Variants in IL10RA observed in about 807,000 individuals in gnomAD.
IL10RA encodes interleukin 10 receptor subunit alpha, also known as interleukin-10 receptor subunit alpha.
A neutral mutation model predicts 29.6 loss-of-function variants in IL10RA; 18 were observed. The ratio of observed to expected loss-of-function variants is 0.61; its 90% confidence interval spans 0.42 to 0.90. IL10RA has a LOEUF of 0.90. IL10RA is among the 40% of genes least tolerant of loss of function. IL10RA has a pLI of 0.00. For synonymous variants in IL10RA, 292 were observed against 294.1 expected (o/e 0.99, Z 0.07); for missense variants, 634 against 716.6 (o/e 0.88, Z 1.32).
rs765964592 is a variant in IL10RA, at chr11:117,999,323, T to G, written c.1419T>G (p.Leu473=). The G allele has an allele frequency of 1.2e-6, 2 of 1,614,232 alleles. No individual in the cohort carries two copies. ...AAGAATCGCCCTTGACAGATGGCCT[T>G]GGCCCCAAATTCGGGAGATGCCTGG... ...LEEESPLTDG[L]GPKFGRCLVD... Residue 473 remains leucine, a synonymous_variant, in exon 7 of 7, where the codon CTT becomes CTG. Transcript: ENST00000227752.
At chr11:117,993,173 C>A in intron 3 of IL10RA, 68 bp from the exon 4 acceptor site, 1 of 1,426,890 alleles carries the variant, frequency 7.0e-7, no homozygotes, top group Non-Finnish European at 9.9e-7. Context: ...AAAGTCTCGG[C>A]GGGGACACCC....
At position 117,988,499 on chromosome 11, in the gene IL10RA, T is replaced by C. The variant is rs935648165; in HGVS notation, c.185T>C (p.Leu62Pro). Residue 62 changes from leucine (L) to proline (P), a missense_variant, in exon 2 of 7, where the codon CTG (leucine) becomes CCG (proline). By Grantham distance (98) the Leu-to-Pro change is moderately conservative. Coordinates refer to ENST00000227752, the MANE Select transcript of IL10RA (RefSeq NM_001558.4). Reference sequence around the variant, plus strand: ...AGTACCTGCTATGAAGTGGCGCTCCTGAGGTGAGGAAAAGGGAAGAGGGAG... The same window carrying C: ...AGTACCTGCTATGAAGTGGCGCTCCCGAGGTGAGGAAAAGGGAAGAGGGAG... The part of the protein sequence containing the change: ...SESTCYEVAL[L>P]RYGIESWNSI... The C allele has an allele frequency of 6.2e-7, 1 of 1,614,014 alleles. No individual in the cohort carries two copies. Among genetic ancestry groups the C allele is most frequent in the Non-Finnish European group, 8.5e-7 (1 of 1,179,926 alleles).
intron 5 of IL10RA, 147 bp from the exon 6 acceptor site, chr11:117,995,442 C>G (rs1267455347): frequency 2.1e-6 from 2 of 972,686 alleles, no homozygotes; most frequent in South Asian, 2.6e-5. Context: ...CTAGACACAT[C>G]TAGAGTTGTG....
chr11:117,999,476 A>T lies in IL10RA; in HGVS notation c.1572A>T (p.Ser524=). Residue 524 remains serine, a synonymous_variant, in exon 7 of 7, where the codon TCA becomes TCT. Coordinates refer to ENST00000227752, the MANE Select transcript of IL10RA (RefSeq NM_001558.4). ...GGAACCAGCCCACTGAGGAATGGTC[A>T]CTCCTGGCCTTGAGCAGCTGCAGTG... ...GQWNQPTEEW[S]LLALSSCSDL... 3.7e-6 allele frequency: 6 copies of T among 1,614,078 alleles called. No homozygotes were observed. The highest frequency in any genetic ancestry group is 5.1e-6 in the Non-Finnish European group (6 of 1,179,980).
In IL10RA at chr11:118,000,183, T is replaced by C. The variant is rs1367716479; in HGVS notation, c.*542T>C. On this transcript the variant is annotated 3_prime_UTR_variant, in exon 7 of 7. Coordinates refer to ENST00000227752, the MANE Select transcript of IL10RA (RefSeq NM_001558.4). ...GGGGAACCTCCCCTCATCGGGCCTC[T>C]GGGGCAGGAAGCTTGTCACTGGAAG... 6.6e-6 allele frequency: 3 copies of C among 454,412 alleles called. No individual in the cohort carries two copies. Among genetic ancestry groups the C allele is most frequent in the Non-Finnish European group, 1.3e-5 (3 of 226,902 alleles). 28.1% of individuals were successfully genotyped at this position (454,412 alleles called of 1,614,324 possible). A position where few individuals can be genotyped will look rare whatever the true frequency, so the allele number is the denominator to read the frequency against.
rs771600710 is a variant in IL10RA, at chr11:117,993,362, C to T, written c.489C>T (p.His163=). ...ACACATATGAAAGCATCTTCAGTCACTTCCGAGAGTATGAGATTGCCATTC... is the reference window on the plus strand; with the variant it reads ...ACACATATGAAAGCATCTTCAGTCATTTCCGAGAGTATGAGATTGCCATTC... The part of the protein sequence containing the change: ...ANDTYESIFS[H]FREYEIAIRK... Residue 163 remains histidine (H), a synonymous_variant, in exon 4 of 7, where the codon CAC becomes CAT. Transcript: ENST00000227752. 1 of 1,614,094 alleles carries T rather than the reference C, an allele frequency of 6.2e-7. No individual in the cohort carries two copies. Among genetic ancestry groups the T allele is most frequent in the Admixed American group, 1.7e-5 (1 of 60,014 alleles).
chr11:117,992,699 G>A (rs373747077), intron 3 of IL10RA, among the ~76,000 whole-genome samples: 4 of 152,154 alleles, frequency 2.6e-5, no homozygotes, highest in African/African-American at 9.7e-5. Context: ...TTAGTGTGAT[G>A]CAATCCCATT....
chr11:117,993,985 C>A lies in IL10RA; in HGVS notation c.538-14C>A, dbSNP rs774379572. On this transcript the variant is annotated splice_polypyrimidine_tract_variant and intron_variant, in intron 4 of 6. Transcript: ENST00000227752. ...ATAAAAGGATTTTGTTAATTGCTAT[C>A]ATTTTTGTTTCAGTTCACACACAAG... The A allele has an allele frequency of 1.9e-6, 3 of 1,611,972 alleles. No individual in the cohort carries two copies. Among genetic ancestry groups the A allele is most frequent in the Non-Finnish European group, 2.5e-6 (3 of 1,178,152 alleles).
chr11:117,993,433 A>G, intron 4 of IL10RA, 23 bp downstream of exon 4: 3 of 1,609,892 alleles, frequency 1.9e-6, no homozygotes, highest in Non-Finnish European at 2.6e-6. Flanking sequence ...CCAAGGCCCC[A>G]GGGCCAGAAC....
rs2058090532 is a variant in IL10RA at position 118,000,750 on chromosome 11, A to G, written c.*1109A>G. The G allele has an allele frequency of 2.2e-6, 1 of 454,140 alleles. No individual in the cohort carries two copies. Among genetic ancestry groups the G allele is most frequent in the Non-Finnish European group, 4.4e-6 (1 of 226,792 alleles). 28.1% of individuals were successfully genotyped at this position (454,140 alleles called of 1,614,324 possible). ...AGGGGACCCTCCATGTTTGCTGGGT[A>G]TTAGCCAAGCTGGTCCTGGGAGAAT... On this transcript the variant is annotated 3_prime_UTR_variant, in exon 7 of 7. Coordinates refer to ENST00000227752, the MANE Select transcript of IL10RA (RefSeq NM_001558.4).
rs762206813 is a variant in IL10RA at position 117,999,852 on chromosome 11, G to T, written c.*211G>T. ...CACTGAACTAGTGCAGGGTATGTGG[G>T]TGGCACTGACCTGTTCTGTTGACTG... is the stretch of plus-strand genomic sequence containing the variant. On this transcript the variant is annotated 3_prime_UTR_variant, in exon 7 of 7. Coordinates refer to ENST00000227752, the MANE Select transcript of IL10RA (RefSeq NM_001558.4). 2 of 693,258 alleles carry T rather than the reference G, an allele frequency of 2.9e-6. No homozygotes were observed. Among genetic ancestry groups the T allele is most frequent in the African/African-American group, 3.5e-5 (2 of 57,176 alleles). The allele number at this position is 693,258 out of a possible 1,614,324, so 42.9% of individuals were successfully genotyped here.
rs1296459057 is a variant in IL10RA, at chr11:117,999,850, G to A, written c.*209G>A. 8.7e-6 allele frequency: 6 copies of A among 693,462 alleles called. No homozygotes were observed. The African/African-American group carries it at 1.1e-4, about 12-fold the overall frequency. 43.0% of individuals were successfully genotyped at this position (693,462 alleles called of 1,614,324 possible). A position where few individuals can be genotyped will look rare whatever the true frequency, so the allele number is the denominator to read the frequency against. On this transcript the variant is annotated 3_prime_UTR_variant, in exon 7 of 7. Coordinates refer to ENST00000227752, the MANE Select transcript of IL10RA (RefSeq NM_001558.4). ...CTCACTGAACTAGTGCAGGGTATGTGGGTGGCACTGACCTGTTCTGTTGAC... is the reference window on the plus strand; with the variant it reads ...CTCACTGAACTAGTGCAGGGTATGTAGGTGGCACTGACCTGTTCTGTTGAC...
chr11:117,995,861 C>T lies in IL10RA; in HGVS notation c.810+151C>T, dbSNP rs934182404. The T allele has an allele frequency of 1.1e-4, 90 of 846,942 alleles. No individual in the cohort carries two copies. In the Admixed American group the frequency reaches 1.4e-3, roughly 13 times the overall value. The allele number at this position is 846,942 out of a possible 1,614,324, so 52.5% of individuals were successfully genotyped here. ...GTGATTGGGAGATACCTTCATCAAG[C>T]GCTGTGGGGACAGAGGGAGGAAGTG... On this transcript the variant is annotated intron_variant, in intron 6 of 6. Transcript: ENST00000227752.
At chr11:117,986,815 T>C in intron 1 of IL10RA, 1 of 1,507,408 alleles carries the variant, frequency 6.6e-7, no homozygotes, top group Non-Finnish European at 8.9e-7. Flanking sequence ...AGATGAGCCG[T>C]AAGTTTAGCT....
rs145034778 is a variant in IL10RA, at chr11:117,995,544, T to A, written c.689-45T>A. On this transcript the variant is annotated intron_variant, in intron 5 of 6. Transcript: ENST00000227752. ...CAGAGTCCTATGTCCAGAATCACCGTGCCCCATGGTGACAGGCCACAAACA... is the reference window on the plus strand; with the variant it reads ...CAGAGTCCTATGTCCAGAATCACCGAGCCCCATGGTGACAGGCCACAAACA... 3.4e-4 allele frequency: 544 copies of A among 1,613,674 alleles called. 1 individual carries two copies. The highest frequency in any genetic ancestry group is 6.4e-4 in the South Asian group (58 of 91,070).
At position 117,989,646 on chromosome 11, in the gene IL10RA, C is replaced by A. The variant is rs777861118; in HGVS notation, c.367+26C>A. 6.2e-7 allele frequency: 1 copy of A among 1,609,944 alleles called. No homozygotes were observed. Among genetic ancestry groups the A allele is most frequent in the Non-Finnish European group, 8.5e-7 (1 of 1,177,724 alleles). On this transcript the variant is annotated intron_variant, in intron 3 of 6. Coordinates refer to ENST00000227752, the MANE Select transcript of IL10RA (RefSeq NM_001558.4). This position sits in a 1 kb window ranked among gnomAD's most constrained non-coding sequence, Gnocchi z 4.5. ...GTGCTTTTCCTCCCTTGACTTAGAA[C>A]ATGGCTCTGAAGTCCCTTCCAGCCA...
intron 1 of IL10RA, 118 bp from the exon 2 acceptor site, chr11:117,988,264 C>A: frequency 2.3e-6 from 3 of 1,301,010 alleles, no homozygotes; most frequent in Non-Finnish European, 3.3e-6. Flanking sequence ...CCCTTACGGG[C>A]TCCGCTGGCC....
In IL10RA at chr11:117,989,588, C is replaced by A; in HGVS notation, c.335C>A (p.Thr112Asn). Residue 112 changes from threonine to asparagine, a missense_variant, in exon 3 of 7, where the codon ACC (threonine) becomes AAC (asparagine). Physicochemically the swap from Thr to Asn is moderately conservative, Grantham distance 65. Transcript: ENST00000227752. This position sits in a 1 kb window ranked among gnomAD's most constrained non-coding sequence, Gnocchi z 4.5. ...AVDGSRHSNW[T>N]VTNTRFSVDE... ...GACGGCAGCCGGCACTCCAACTGGA[C>A]CGTCACCAACACCCGCTTCTCTGTG... is the stretch of plus-strand genomic sequence containing the variant. The A allele has an allele frequency of 1.9e-6, 3 of 1,614,156 alleles. No individual in the cohort carries two copies. The highest frequency in any genetic ancestry group is 2.5e-6 in the Non-Finnish European group (3 of 1,180,040).
intron 3 of IL10RA, among the ~76,000 whole-genome samples, chr11:117,990,745 T>C (rs933655693): frequency 1.3e-5 from 2 of 152,228 alleles, no homozygotes; most frequent in Non-Finnish European, 2.9e-5. Flanking sequence ...TGGAAATTTC[T>C]ACATAAAAAT....
Sources: gnomAD v4.1 joint callset for allele counts (sites outside exome capture counted in the v4.1 genomes callset) on GRCh38, gnomAD v4.1.1 for gene constraint, Gnocchi (gnomAD v3.1) non-coding constraint, MANE v1.5 for transcripts, NCBI Gene and HGNC (gene_info 2026-07-23, HGNC 2026-07-21) for gene names.